Variants in GSE1 observed in about 807,000 individuals in gnomAD.
The protein encoded by GSE1 is Gse1 coiled-coil protein, also known as genetic suppressor element 1.
In GSE1, 32 loss-of-function variants were observed where a neutral mutation model predicts 112.6. The ratio of observed to expected loss-of-function variants is 0.28; its 90% confidence interval spans 0.21 to 0.38. The LOEUF is 0.38. Among genes scored for constraint, GSE1 ranks in the 10% least tolerant of loss-of-function variants. The pLI, the probability that GSE1 is intolerant of heterozygous loss-of-function variation, is 1.00. For missense variants in GSE1, 2,348 were observed against 1,699.2 expected, an observed-to-expected ratio of 1.38 and a Z score of -6.71; for synonymous variants, 1,115 against 735.6, an observed-to-expected ratio of 1.52 and a Z score of -8.35.
At chr16:85,316,424 G>A (rs1308269878) in intron 1 of GSE1, among the ~76,000 whole-genome samples, 1 of 152,214 alleles carries the variant, frequency 6.6e-6, no homozygotes, top group Non-Finnish European at 1.5e-5. Flanking sequence ...GTGTGGCCCA[G>A]GTGGCCGTAA....
chr16:85,427,253 A>G (rs2049015182), intron 2 of GSE1, among the ~76,000 whole-genome samples: 1 of 152,244 alleles, frequency 6.6e-6, no homozygotes, highest in South Asian at 2.1e-4. Flanking sequence ...TCTACGGATT[A>G]TACAACTCAG....
At chr16:85,579,567 G>A (rs555413982) in intron 1 of GSE1, among the ~76,000 whole-genome samples, 9 of 152,292 alleles carry the variant, frequency 5.9e-5, no homozygotes, top group Admixed American at 3.9e-4. Context: ...GAGATCCAGG[G>A]CCAGCAGGGT....
chr16:85,616,482 G>A (rs1014510136), intron 1 of GSE1, among the ~76,000 whole-genome samples: 2 of 152,184 alleles, frequency 1.3e-5, no homozygotes, highest in African/African-American at 4.8e-5. Flanking sequence ...ATCAAACCCT[G>A]GGATCGGGCC....
intron 1 of GSE1, among the ~76,000 whole-genome samples, chr16:85,236,744 C>T (rs1904705396): frequency 6.6e-6 from 1 of 152,164 alleles, no homozygotes; most frequent in African/African-American, 2.4e-5. Flanking sequence ...TCTCTCCAGC[C>T]TGGGTAGAGT....
intron 1 of GSE1, among the ~76,000 whole-genome samples, chr16:85,295,430 C>G (rs540112626): frequency 1.3e-5 from 2 of 152,248 alleles, no homozygotes; most frequent in Non-Finnish European, 2.9e-5. Context: ...ATTATTCCAC[C>G]GTGCGCGTAG....
At chr16:85,553,707 A>C (rs1023419992), upstream of GSE1, among the ~76,000 whole-genome samples, 2 of 152,042 alleles carry the variant, frequency 1.3e-5, no homozygotes, top group African/African-American at 4.8e-5. Context: ...CGCCCAGCTC[A>C]TTTAAGAATT....
chr16:85,604,482 T>C (rs1179281185), intron 1 of GSE1, among the ~76,000 whole-genome samples: 1 of 152,006 alleles, frequency 6.6e-6, no homozygotes, highest in South Asian at 2.1e-4. Context: ...TACAAGGTTT[T>C]GCGTGGACGC....
At chr16:85,255,121 C>A (rs1027003314) in intron 1 of GSE1, among the ~76,000 whole-genome samples, 1 of 152,220 alleles carries the variant, frequency 6.6e-6, no homozygotes, top group Non-Finnish European at 1.5e-5. Flanking sequence ...CAGCTTCCGG[C>A]TCCCCGAGGG....
upstream of GSE1, chr16:85,555,199 T>G: frequency 2.0e-6 from 2 of 985,368 alleles, no homozygotes; most frequent in Non-Finnish European, 2.4e-6. Flanking sequence ...CAGCCAGCTT[T>G]CCAATTTACC....
chr16:85,439,977 T>G (rs890633337), intron 2 of GSE1, among the ~76,000 whole-genome samples: 1 of 152,266 alleles, frequency 6.6e-6, no homozygotes, highest in African/African-American at 2.4e-5. Context: ...ATTACATATG[T>G]GCACATGCAT....
intron 2 of GSE1, among the ~76,000 whole-genome samples, chr16:85,393,369 G>A (rs963805764): frequency 6.6e-6 from 1 of 152,198 alleles, no homozygotes; most frequent in African/African-American, 2.4e-5. Flanking sequence ...CACCCTCTCA[G>A]GGCTCCCAGC....
intron 1 of GSE1, among the ~76,000 whole-genome samples, chr16:85,631,137 T>C (rs2049507919): frequency 6.6e-6 from 1 of 152,218 alleles, no homozygotes. Flanking sequence ...TGTGGGTCCC[T>C]GTGAGGGTGG....
intron 1 of GSE1, among the ~76,000 whole-genome samples, chr16:85,563,694 G>A (rs772930953): frequency 7.9e-5 from 12 of 152,234 alleles, no homozygotes; most frequent in Non-Finnish European, 1.3e-4. Flanking sequence ...GGCCTGGACC[G>A]CCGCCCAGTG....
chr16:85,501,132 T>A (rs944144682), intron 2 of GSE1, among the ~76,000 whole-genome samples: 1 of 149,210 alleles, frequency 6.7e-6, no homozygotes, highest in African/African-American at 2.5e-5. Flanking sequence ...TCCCGAGCAG[T>A]TGGGACTACA....
At chr16:85,495,789 C>T (rs896024252) in intron 2 of GSE1, among the ~76,000 whole-genome samples, 14 of 152,284 alleles carry the variant, frequency 9.2e-5, no homozygotes, top group Admixed American at 3.3e-4. Context: ...TGAGCCACTA[C>T]GCCCAGCCAT....
At chr16:85,478,903 C>CTT (rs1419317186) in intron 2 of GSE1, among the ~76,000 whole-genome samples, 31 of 67,608 alleles carry the variant, frequency 4.6e-4, no homozygotes, top group African/African-American at 5.6e-4. Flanking sequence ...TTCTTTCTTT[C>CTT]TTTCTTTCTT....
intron 1 of GSE1, among the ~76,000 whole-genome samples, chr16:85,566,403 G>A (rs898170623): frequency 1.3e-5 from 2 of 152,220 alleles, no homozygotes; most frequent in Non-Finnish European, 2.9e-5. Flanking sequence ...AAACGGAATC[G>A]TCCTGGTGAG....
intron 2 of GSE1, among the ~76,000 whole-genome samples, chr16:85,430,804 C>T (rs1259581406): frequency 6.6e-6 from 1 of 152,174 alleles, no homozygotes; most frequent in Non-Finnish European, 1.5e-5. Flanking sequence ...GAGCGGAGGT[C>T]CCCCCACTTA....
chr16:85,602,502 C>T (rs1165210067), intron 1 of GSE1, among the ~76,000 whole-genome samples: 1 of 152,098 alleles, frequency 6.6e-6, no homozygotes, highest in Non-Finnish European at 1.5e-5. Context: ...TGAGCGAGCT[C>T]CCCTGACCTT....
Sources: allele counts gnomAD v4.1 joint callset (sites outside exome capture counted in the v4.1 genomes callset), GRCh38; gene constraint gnomAD v4.1.1; transcripts MANE v1.5; gene names NCBI Gene and HGNC (gene_info 2026-07-23, HGNC 2026-07-21).